The following BTNL2 variants were observed in gnomAD, a reference collection of about 807,000 sequenced individuals.
BTNL2 encodes the protein butyrophilin like 2.
Under a neutral mutation model 46.8 loss-of-function variants are expected in BTNL2, and 46 were observed. The observed-to-expected ratio is 0.98, with a 90% confidence interval of 0.78 to 1.26. The LOEUF is 1.26. Among genes scored for constraint, BTNL2 ranks in the 50% most tolerant of loss-of-function variants. The pLI, the probability that BTNL2 is intolerant of heterozygous loss-of-function variation, is 0.00. For synonymous variants in BTNL2, 226 were observed against 229.1 expected (o/e 0.99, Z 0.12); for missense variants, 461 against 592.6 (o/e 0.78, Z 2.31).
chr6:32,401,735 G>A, intron 4 of BTNL2, 50 bp downstream of exon 4: 3 of 1,556,118 alleles, frequency 1.9e-6, no homozygotes, highest in Non-Finnish European at 2.6e-6. Flanking sequence ...CCCTCTGCTG[G>A]GGAGGGCAGA....
intron 4 of BTNL2, among the ~76,000 whole-genome samples, chr6:32,400,760 A>AAAAAAAAAAAAAAAC (rs1390075841): frequency 6.1e-4 from 71 of 115,850 alleles, no homozygotes; most frequent in African/African-American, 1.5e-3. Flanking sequence ...AAAAAAAAAA[A>AAAAAAAAAAAAAAAC]AAATTAGCTG....
intron 3 of BTNL2, among the ~76,000 whole-genome samples, chr6:32,402,421 C>T (rs1490832198): frequency 1.5e-4 from 23 of 151,756 alleles, no homozygotes; most frequent in Admixed American, 1.5e-3. Context: ...TTTTTTCAAC[C>T]ATTAAAATTA....
At position 32,403,225 on chromosome 6, in the gene BTNL2, G is replaced by A; in HGVS notation, c.428-9C>T. 2.5e-6 allele frequency: 4 copies of A among 1,593,400 alleles called. No individual in the cohort carries two copies. In the South Asian group the frequency reaches 3.4e-5, roughly 13 times the overall value. ...AGGGGCAGACCCCAGACCTGCAGAG[G>A]GAAGCCACAGCTCTGACACCCAGAG... On this transcript the variant is annotated splice_polypyrimidine_tract_variant and intron_variant, in intron 2 of 7. Transcript: ENST00000454136.
intron 5 of BTNL2, among the ~76,000 whole-genome samples, chr6:32,395,568 C>T (rs1285561191): frequency 6.6e-6 from 1 of 152,180 alleles, no homozygotes; most frequent in Non-Finnish European, 1.5e-5. Flanking sequence ...CTCACACACA[C>T]GGACAGTGGG....
intron 4 of BTNL2, among the ~76,000 whole-genome samples, chr6:32,400,655 TC>T (rs34814307): frequency 0.41 from 60,171 of 147,092 alleles, 12,673 homozygotes; most frequent in Admixed American, 0.48. Flanking sequence ...ATGCCTGTAA[TC>T]CCAGCACCTT....
intron 4 of BTNL2, among the ~76,000 whole-genome samples, chr6:32,398,364 A>G (rs117983449): frequency 0.018 from 2,673 of 152,308 alleles, 79 homozygotes; most frequent in East Asian, 0.11. Context: ...CCCTGTCAAC[A>G]CAATTTGAAT....
chr6:32,398,811 C>G (rs1292757982), intron 4 of BTNL2, among the ~76,000 whole-genome samples: 1 of 152,152 alleles, frequency 6.6e-6, no homozygotes, highest in South Asian at 2.1e-4. Context: ...TGTCCAGAAT[C>G]CAAGTAAAAC....
chr6:32,395,956 T>C, intron 5 of BTNL2, 83 bp downstream of exon 5: 1 of 1,148,850 alleles, frequency 8.7e-7, no homozygotes, highest in Non-Finnish European at 1.2e-6. Context: ...AAATTTCAAA[T>C]GTCAGAGAAA....
chr6:32,402,045 TTC>T (rs1322221886), intron 3 of BTNL2, among the ~76,000 whole-genome samples: 1 of 152,194 alleles, frequency 6.6e-6, no homozygotes, highest in African/African-American at 2.4e-5. Flanking sequence ...TGTTGGTTTC[TTC>T]TGATATTTAC....
intron 4 of BTNL2, among the ~76,000 whole-genome samples, chr6:32,401,347 C>G (rs1179988727): frequency 6.6e-6 from 1 of 151,614 alleles, no homozygotes; most frequent in African/African-American, 2.4e-5. Flanking sequence ...GGTGCAGGAC[C>G]CCATAGCAGA....
Position 32,401,207 on chromosome 6 carries a change from C to CAAAAAAAAAA in BTNL2, c.730+568_730+577dup, listed in dbSNP as rs9279632. ...TGGGCGACAGAGCAAGACTCCGTCTCAAAAAAAAAAAAAAAAAAAAAAAAA... is the reference window on the plus strand; with the variant it reads ...TGGGCGACAGAGCAAGACTCCGTCTCAAAAAAAAAAAAAAAAAAAAAAAAAAAAAAAAAAA... On this transcript the variant is annotated intron_variant, in intron 4 of 7. Transcript: ENST00000454136. 1.1e-3 allele frequency among the ~76,000 whole-genome samples: 42 copies of CAAAAAAAAAA among 38,918 alleles called. 5 individuals are homozygous for CAAAAAAAAAA. The highest frequency in any genetic ancestry group is 1.1e-3 in the Non-Finnish European group (28 of 25,472). The allele number at this position is 38,918 out of a possible 152,430, so 25.5% of individuals were successfully genotyped here.
At chr6:32,397,316 T>A (rs117590326) in intron 4 of BTNL2, among the ~76,000 whole-genome samples, 1,854 of 152,324 alleles carry the variant, frequency 0.012, 66 homozygotes, top group East Asian at 0.11. Context: ...GGCAGCCAAC[T>A]GTTGAAACCC....
In BTNL2 at chr6:32,405,391, G is replaced by A. The variant is rs762757226; in HGVS notation, c.80-105C>T. ...AAAATGGAGGCAACTAGAAGAGGGAGAGATATATGTTTAATGTTTTAGAGA... is the reference window on the plus strand; with the variant it reads ...AAAATGGAGGCAACTAGAAGAGGGAAAGATATATGTTTAATGTTTTAGAGA... On this transcript the variant is annotated intron_variant, in intron 1 of 7. Transcript: ENST00000454136. 3 of 1,004,502 alleles carry A rather than the reference G, an allele frequency of 3.0e-6. No homozygotes were observed. In the African/African-American group the frequency reaches 4.8e-5, roughly 16 times the overall value. 62.2% of individuals were successfully genotyped at this position (1,004,502 alleles called of 1,614,324 possible).
intron 5 of BTNL2, among the ~76,000 whole-genome samples, chr6:32,395,750 C>T (rs2076533): frequency 0.4 from 60,111 of 151,920 alleles, 11,998 homozygotes; most frequent in Admixed American, 0.43. Context: ...AAACAATGAG[C>T]CTTTTGTAAA....
chr6:32,403,958 C>T (rs1776954433), intron 2 of BTNL2, among the ~76,000 whole-genome samples: 1 of 152,150 alleles, frequency 6.6e-6, no homozygotes, highest in Non-Finnish European at 1.5e-5. Context: ...CCACTCCCTT[C>T]CCTTGGACCC....
At position 32,393,835 on chromosome 6, in the gene BTNL2, T is replaced by C. The variant is rs17208769; in HGVS notation, c.*6+128A>G. The stretch of plus-strand genomic sequence containing the variant: ...AAGCCCTGGGCTTTCCTGTTTCTCA[T>C]GTTTCCTTAGTTACTGGATATTCAC... On this transcript the variant is annotated intron_variant, in intron 7 of 7. Transcript: ENST00000454136. This position sits in a 1 kb window ranked among gnomAD's most constrained non-coding sequence, Gnocchi z 4.8. The C allele has an allele frequency of 0.019, 19,468 of 1,023,896 alleles. 1,024 individuals are homozygous for C. The highest frequency in any genetic ancestry group is 0.18 in the East Asian group (5,992 of 33,928). The allele number at this position is 1,023,896 out of a possible 1,614,324, so 63.4% of individuals were successfully genotyped here.
intron 1 of BTNL2, 126 bp from the exon 2 acceptor site, chr6:32,405,412 AGAG>A: frequency 1.1e-6 from 1 of 900,986 alleles, no homozygotes; most frequent in Non-Finnish European, 1.8e-6. Context: ...TTAATGTTTT[AGAG>A]AAATCCAGCA....
intron 1 of BTNL2, 77 bp from the exon 2 acceptor site, chr6:32,405,363 G>A: frequency 7.2e-7 from 1 of 1,380,196 alleles, no homozygotes; most frequent in Non-Finnish European, 1.0e-6. Flanking sequence ...TGTCCAGCCT[G>A]TCAAAATGGA....
In BTNL2 at chr6:32,405,239, C is replaced by G; in HGVS notation, c.127G>C (p.Gly43Arg). The G allele has an allele frequency of 6.2e-7, 1 of 1,613,048 alleles. No individual in the cohort carries two copies. The highest frequency in any genetic ancestry group is 1.6e-4 in the Middle Eastern group (1 of 6,062). ...TGGCAGGTTAACAGGGCATCTTCCC[C>G]AACCCCGGCCAGGATAGGATGAGCA... is the stretch of plus-strand genomic sequence containing the variant. ...GPAHPILAGV[G>R]EDALLTCQLL... is the part of the protein sequence containing the mutation. The change falls in exon 2 of 8, where the codon GGG becomes CGG. Residue 43 changes from glycine (G) to arginine (R), a missense_variant. By Grantham distance (125) the Gly-to-Arg change is moderately radical. Coordinates refer to ENST00000454136, the MANE Select transcript of BTNL2 (RefSeq NM_001304561.2).
Sources: allele counts gnomAD v4.1 joint callset (sites outside exome capture counted in the v4.1 genomes callset), GRCh38; gene constraint gnomAD v4.1.1; non-coding constraint Gnocchi (gnomAD v3.1); transcripts MANE v1.5; gene names NCBI Gene and HGNC (gene_info 2026-07-23, HGNC 2026-07-21).